The following EVI5 variants were observed in gnomAD, a reference collection of about 807,000 sequenced individuals.
EVI5 encodes ecotropic viral integration site 5.
EVI5 carries 73 observed loss-of-function variants against 112.0 expected under a neutral mutation model. That is an observed-to-expected ratio of 0.65 (90% CI 0.54 to 0.79). EVI5 has a LOEUF of 0.79. Among genes scored for constraint, EVI5 ranks in the 30% least tolerant of loss-of-function variants. The probability of loss-of-function intolerance (pLI) is 0.00; values close to 1 mark genes in which losing one functional copy is unlikely to be tolerated. For missense variants in EVI5, 900 were observed against 968.8 expected (o/e 0.93, Z 0.94); for synonymous variants, 305 against 319.9 (o/e 0.95, Z 0.50).
chr1:92,764,257 C>T (rs1682297989), intron 1 of EVI5, among the ~76,000 whole-genome samples: 1 of 152,206 alleles, frequency 6.6e-6, no homozygotes, highest in African/African-American at 2.4e-5. Context: ...CATACCTACA[C>T]TCATTTTTGC....
chr1:92,619,866 G>A (rs1654133468), intron 16 of EVI5, among the ~76,000 whole-genome samples: 1 of 151,976 alleles, frequency 6.6e-6, no homozygotes, highest in Non-Finnish European at 1.5e-5. Flanking sequence ...GCAATGGAAA[G>A]AATGAGTGAA....
chr1:92,597,265 A>G (rs541885569), intron 18 of EVI5, among the ~76,000 whole-genome samples: 2 of 152,342 alleles, frequency 1.3e-5, no homozygotes, highest in East Asian at 3.9e-4. Context: ...AAGATATGTC[A>G]TATTTATTTT....
chr1:92,703,817 G>A, intron 3 of EVI5, 198 bp from the exon 4 acceptor site: 1 of 489,518 alleles, frequency 2.0e-6, no homozygotes, highest in Non-Finnish European at 3.5e-6. Flanking sequence ...CTTCTGGTCA[G>A]GGGATTAATA....
chr1:92,773,287 T>C (rs1000141255), intron 1 of EVI5, among the ~76,000 whole-genome samples: 2 of 152,026 alleles, frequency 1.3e-5, no homozygotes, highest in African/African-American at 2.4e-5. Flanking sequence ...TCATACAATG[T>C]ATTAATATGC....
At chr1:92,609,310 C>T (rs893474772) in intron 16 of EVI5, among the ~76,000 whole-genome samples, 3 of 152,036 alleles carry the variant, frequency 2.0e-5, no homozygotes, top group Non-Finnish European at 4.4e-5. Context: ...AGATTATGGG[C>T]GAAAAGTTTA....
Position 92,662,782 on chromosome 1 carries a change from C to A in EVI5, c.1329G>T (p.Glu443Asp), listed in dbSNP as rs568671574. 1 of 1,289,450 alleles carries A rather than the reference C, an allele frequency of 7.8e-7. No homozygotes were observed. Among genetic ancestry groups the A allele is most frequent in the African/African-American group, 1.5e-5 (1 of 65,934 alleles). 79.9% of individuals were successfully genotyped at this position (1,289,450 alleles called of 1,614,324 possible). ...CAGCTTGCTCCAGCTTAGCACTGGCCTCATCACTCTGCTGTTTGATGGTGG... is the reference window on the plus strand; with the variant it reads ...CAGCTTGCTCCAGCTTAGCACTGGCATCATCACTCTGCTGTTTGATGGTGG... Reference protein sequence around the residue: ...ELATIKQQSDEASAKLEQAEN... With the variant: ...ELATIKQQSDDASAKLEQAEN... Residue 443 changes from glutamate to aspartate, a missense_variant, in exon 13 of 20, where the codon GAG becomes GAT. Transcript: ENST00000684568.
intron 18 of EVI5, among the ~76,000 whole-genome samples, chr1:92,568,483 C>T (rs143951536): frequency 0.022 from 3,352 of 152,192 alleles, 55 homozygotes; most frequent in Non-Finnish European, 0.03. Context: ...ACTTATGAGC[C>T]CTTCTCATTT....
At chr1:92,581,693 T>TAAAAA (rs1553190265) in intron 18 of EVI5, among the ~76,000 whole-genome samples, 1 of 148,774 alleles carries the variant, frequency 6.7e-6, no homozygotes, top group African/African-American at 2.5e-5. Flanking sequence ...AGTTTTTGCT[T>TAAAAA]AAAAAAAAAA....
At chr1:92,710,747 TG>T (rs1558124763) in intron 2 of EVI5, among the ~76,000 whole-genome samples, 88 of 39,578 alleles carry the variant, frequency 2.2e-3, no homozygotes, top group Middle Eastern at 0.011. Context: ...ATAGTGAGAT[TG>T]GGGTTGGGGG....
Position 92,586,588 on chromosome 1 carries a change from G to GTTT in EVI5, c.2070+18716_2070+18718dup, listed in dbSNP as rs11411646. On this transcript the variant is annotated intron_variant, in intron 18 of 19. Transcript: ENST00000684568. ...CTTCAACACACTCCAATTAATGTAGGTTTTTTTTTTTTTTTGGCTGTGTGT... is the reference window on the plus strand; with the variant it reads ...CTTCAACACACTCCAATTAATGTAGGTTTTTTTTTTTTTTTTTTGGCTGTGTGT... Among the ~76,000 whole-genome samples the GTTT allele has an allele frequency of 1.2e-4, 13 of 108,984 alleles. 1 individual carries two copies. Among genetic ancestry groups the GTTT allele is most frequent in the African/African-American group, 3.7e-4 (10 of 27,332 alleles). The allele number at this position is 108,984 out of a possible 152,430, so 71.5% of individuals were successfully genotyped here. A position where few individuals can be genotyped will look rare whatever the true frequency, so the allele number is the denominator to read the frequency against.
intron 16 of EVI5, among the ~76,000 whole-genome samples, chr1:92,615,691 T>C (rs941426754): frequency 5.9e-5 from 9 of 152,078 alleles, no homozygotes; most frequent in African/African-American, 2.2e-4. Context: ...GCAACATTGA[T>C]GCCCTCCCCT....
intron 19 of EVI5, among the ~76,000 whole-genome samples, chr1:92,520,607 T>C (rs1557702241): frequency 6.6e-6 from 1 of 152,006 alleles, no homozygotes; most frequent in Non-Finnish European, 1.5e-5. Context: ...TCCTAGCACT[T>C]TGGGAGGCTA....
At chr1:92,756,028 G>C (rs1680905704) in intron 1 of EVI5, 1 of 230,030 alleles carries the variant, frequency 4.3e-6, no homozygotes, top group Non-Finnish European at 9.5e-6. Flanking sequence ...GGATTGCTAT[G>C]ACATCTCTAT....
At chr1:92,665,907 A>G (rs1261062632) in intron 11 of EVI5, 32 bp downstream of exon 11, 1 of 1,485,606 alleles carries the variant, frequency 6.7e-7, no homozygotes, top group South Asian at 1.2e-5. Flanking sequence ...CAGGCATTCA[A>G]CAGAAGCTTG....
chr1:92,576,191 G>C (rs561244964), intron 18 of EVI5, among the ~76,000 whole-genome samples: 4 of 152,264 alleles, frequency 2.6e-5, no homozygotes, highest in Non-Finnish European at 4.4e-5. Flanking sequence ...TTCTACCTTA[G>C]AGTCATATGT....
At chr1:92,698,931 A>T (rs1175256156) in intron 5 of EVI5, among the ~76,000 whole-genome samples, 1 of 152,246 alleles carries the variant, frequency 6.6e-6, no homozygotes, top group Non-Finnish European at 1.5e-5. Flanking sequence ...TATTCAGAAT[A>T]CTTAGGCAAA....
intron 13 of EVI5, among the ~76,000 whole-genome samples, chr1:92,654,582 T>C (rs1402940143): frequency 6.6e-6 from 1 of 152,190 alleles, no homozygotes; most frequent in East Asian, 1.9e-4. Context: ...TTTCTCCATA[T>C]GAGAAGGAAA....
intron 19 of EVI5, among the ~76,000 whole-genome samples, chr1:92,559,490 C>T (rs1668181020): frequency 6.6e-6 from 1 of 151,956 alleles, no homozygotes; most frequent in Admixed American, 6.6e-5. Context: ...TAAGAGGATT[C>T]TGGCTGGGCA....
intron 2 of EVI5, among the ~76,000 whole-genome samples, chr1:92,717,173 A>G (rs1223222818): frequency 6.6e-6 from 1 of 152,232 alleles, no homozygotes; most frequent in Non-Finnish European, 1.5e-5. Context: ...CAAGGGGAAG[A>G]AAGGATATCA....
Sources: allele counts gnomAD v4.1 joint callset (sites outside exome capture counted in the v4.1 genomes callset), GRCh38; gene constraint gnomAD v4.1.1; transcripts MANE v1.5; gene names NCBI Gene and HGNC (gene_info 2026-07-23, HGNC 2026-07-21).